Variants in SEMA6D observed in about 807,000 individuals in gnomAD.
SEMA6D encodes the protein semaphorin-6D.
Under a neutral mutation model 106.6 loss-of-function variants are expected in SEMA6D, and 35 were observed. The observed-to-expected ratio is 0.33, with a 90% CI of 0.25 to 0.44. The LOEUF (loss-of-function observed/expected upper bound fraction) is 0.44, where lower values mean the gene tolerates loss of function less well. Among genes scored for constraint, SEMA6D ranks in the 20% least tolerant of loss-of-function variants. The pLI is 1.00. For missense variants in SEMA6D, 1,185 were observed against 1,345.9 expected (o/e 0.88, Z 1.87); for synonymous variants, 499 against 487.7 (o/e 1.02, Z -0.31).
intron 1 of SEMA6D, among the ~76,000 whole-genome samples, chr15:47,201,834 A>G (rs1401934534): frequency 6.6e-6 from 1 of 152,044 alleles, no homozygotes; most frequent in Non-Finnish European, 1.5e-5. Flanking sequence ...TATTCAAGAT[A>G]ATTTCTATAC....
intron 4 of SEMA6D, among the ~76,000 whole-genome samples, chr15:47,604,783 G>C (rs2076740594): frequency 6.6e-6 from 1 of 151,934 alleles, no homozygotes. Context: ...TGCAAGCTCT[G>C]CTTCCTGGGT....
rs2082472917 is a variant in SEMA6D, at chr15:47,768,647, T to C, written c.1832T>C (p.Ile611Thr). 1.2e-6 allele frequency: 2 copies of C among 1,613,660 alleles called. No individual in the cohort carries two copies. The highest frequency in any genetic ancestry group is 8.5e-7 in the Non-Finnish European group (1 of 1,179,682). The change falls in exon 18 of 19, where the codon ATT becomes ACT. Residue 611 changes from isoleucine to threonine, a missense_variant. Physicochemically the swap from Ile to Thr is moderately conservative, Grantham distance 89 (BLOSUM62 -1). Transcript: ENST00000536845. ...ASIPEITPKV[I>T]DTWRPKLTSS... ...ATCCCAGAAATCACACCTAAAGTGATTGATACCTGGAGACCTAAACTGACA... is the reference window on the plus strand; with the variant it reads ...ATCCCAGAAATCACACCTAAAGTGACTGATACCTGGAGACCTAAACTGACA...
intron 4 of SEMA6D, among the ~76,000 whole-genome samples, chr15:47,614,179 A>C (rs1268686309): frequency 6.6e-6 from 1 of 152,194 alleles, no homozygotes; most frequent in Admixed American, 6.5e-5. Flanking sequence ...AGGTGAAAAA[A>C]AGAAACACAC....
At chr15:47,647,229 T>C (rs1187548286) in intron 4 of SEMA6D, among the ~76,000 whole-genome samples, 6 of 152,216 alleles carry the variant, frequency 3.9e-5, no homozygotes, top group African/African-American at 1.4e-4. Flanking sequence ...TACCAAGATA[T>C]ACACCTTTCT....
chr15:47,698,640 G>T (rs988795360), intron 4 of SEMA6D, among the ~76,000 whole-genome samples: 1 of 152,128 alleles, frequency 6.6e-6, no homozygotes, highest in East Asian at 1.9e-4. Flanking sequence ...CTTTTCCTCT[G>T]ATATAGCTAA....
chr15:47,749,213 C>G (rs1214604893), intron 1 of SEMA6D, among the ~76,000 whole-genome samples: 1 of 151,542 alleles, frequency 6.6e-6, no homozygotes, highest in Non-Finnish European at 1.5e-5. Flanking sequence ...TTCCGAGTAG[C>G]TGGGATTACA....
rs576244237 is a variant in SEMA6D, at chr15:47,585,814, T to G, written c.-86-15051T>G. ...CAGCAACCCCCATAAGCAAGTACTA[T>G]TTTATATATGCCAAAGCTCGAGTTG... On this transcript the variant is annotated intron_variant, in intron 3 of 19. Coordinates refer to the SEMA6D transcript ENST00000558014. Among the ~76,000 whole-genome samples the G allele has an allele frequency of 3.3e-5, 5 of 152,354 alleles. No homozygotes were observed. In the South Asian group the frequency reaches 1.0e-3, roughly 32 times the overall value.
At chr15:47,196,835 A>G (rs570879175) in intron 1 of SEMA6D, among the ~76,000 whole-genome samples, 6 of 152,306 alleles carry the variant, frequency 3.9e-5, no homozygotes, top group South Asian at 4.1e-4. Flanking sequence ...TTTATTCTCA[A>G]TATACACATA....
intron 2 of SEMA6D, among the ~76,000 whole-genome samples, chr15:47,460,477 T>A (rs1343328447): frequency 6.6e-6 from 1 of 152,034 alleles, no homozygotes; most frequent in Non-Finnish European, 1.5e-5. Flanking sequence ...CTCAATGTGC[T>A]TTGAAAGCAC....
rs111944606 is a variant in SEMA6D, at chr15:47,772,799, G to C, written c.*1014G>C. On this transcript the variant is annotated 3_prime_UTR_variant, in exon 19 of 19. Transcript: ENST00000536845. ...ATAAGGTTTTATTTTGATTGTGTTC[G>C]TTTCCCCCCCCCCAATAGTAAAATT... is the stretch of plus-strand genomic sequence containing the variant. 31,203 of 121,686 alleles carry C rather than the reference G, an allele frequency of 0.26. 4,198 individuals carry two copies. The highest frequency in any genetic ancestry group is 0.29 in the Middle Eastern group (73 of 250). The allele number at this position is 121,686 out of a possible 1,614,324, so 7.5% of individuals were successfully genotyped here.
At chr15:47,320,403 T>C (rs928312645) in intron 1 of SEMA6D, among the ~76,000 whole-genome samples, 4 of 151,632 alleles carry the variant, frequency 2.6e-5, no homozygotes, top group Non-Finnish European at 4.4e-5. Context: ...TTGCCTATTG[T>C]CCCTGTTCCT....
intron 4 of SEMA6D, among the ~76,000 whole-genome samples, chr15:47,698,494 T>C (rs1316221468): frequency 6.6e-6 from 1 of 152,190 alleles, no homozygotes; most frequent in Non-Finnish European, 1.5e-5. Context: ...AGGGAAATCT[T>C]CTCAAGAGGG....
intron 2 of SEMA6D, among the ~76,000 whole-genome samples, chr15:47,443,407 T>A (rs2041937966): frequency 6.6e-6 from 1 of 152,120 alleles, no homozygotes; most frequent in Non-Finnish European, 1.5e-5. Flanking sequence ...GATCCCATCA[T>A]GCTGCAAGGA....
chr15:47,491,137 C>A (rs1472754733), intron 3 of SEMA6D, among the ~76,000 whole-genome samples: 2 of 152,104 alleles, frequency 1.3e-5, no homozygotes, highest in African/African-American at 2.4e-5. Flanking sequence ...CACTGATATA[C>A]CATGCAGACA....
chr15:47,656,569 G>T (rs1380296699), intron 4 of SEMA6D, among the ~76,000 whole-genome samples: 1 of 152,110 alleles, frequency 6.6e-6, no homozygotes, highest in Non-Finnish European at 1.5e-5. Flanking sequence ...TTGTTTCTTT[G>T]TCTGTAAGGA....
At chr15:47,761,586 A>G (rs1280020474) in intron 6 of SEMA6D, 75 bp from the exon 7 acceptor site, 1 of 1,300,748 alleles carries the variant, frequency 7.7e-7, no homozygotes, top group African/African-American at 1.5e-5. Flanking sequence ...GAATTTTAAT[A>G]CAAATAAAAT....
intron 3 of SEMA6D, among the ~76,000 whole-genome samples, chr15:47,490,411 C>T (rs1461906946): frequency 2.0e-5 from 3 of 152,132 alleles, no homozygotes; most frequent in African/African-American, 2.4e-5. Context: ...TTTGGGAGGC[C>T]GAGGCAGGCA....
At chr15:47,624,187 C>T (rs1408639514) in intron 4 of SEMA6D, among the ~76,000 whole-genome samples, 5 of 152,178 alleles carry the variant, frequency 3.3e-5, no homozygotes, top group African/African-American at 4.8e-5. Flanking sequence ...TTGTACTTGT[C>T]CTTCATATCT....
chr15:47,390,700 G>A (rs143996203), intron 1 of SEMA6D, among the ~76,000 whole-genome samples: 272 of 152,142 alleles, frequency 1.8e-3, no homozygotes, highest in African/African-American at 6.3e-3. Flanking sequence ...CTTAAATATC[G>A]ATTCCTCAGG....
Sources: gnomAD v4.1 joint callset for allele counts (sites outside exome capture counted in the v4.1 genomes callset) on GRCh38, gnomAD v4.1.1 for gene constraint, MANE v1.5 for transcripts, NCBI Gene and HGNC (gene_info 2026-07-23, HGNC 2026-07-21) for gene names.